PRKAG2: variants seen among roughly 807,000 people sequenced by gnomAD.
PRKAG2 encodes the protein protein kinase AMP-activated non-catalytic subunit gamma 2.
In PRKAG2, 26 loss-of-function variants were observed where a neutral mutation model predicts 69.6. That is an observed-to-expected ratio of 0.37 (90% confidence interval 0.27 to 0.52). PRKAG2 has a LOEUF of 0.52. Ranked by LOEUF, PRKAG2 falls within the 20% of genes least tolerant of loss-of-function variation. The pLI, the probability that PRKAG2 is intolerant of heterozygous loss-of-function variation, is 0.90. For synonymous variants in PRKAG2, 293 were observed against 285.0 expected (o/e 1.03, Z -0.28); for missense variants, 557 against 740.0 (o/e 0.75, Z 2.87).
At chr7:151,658,482 CA>C (rs11286706) in intron 4 of PRKAG2, among the ~76,000 whole-genome samples, 49,564 of 105,320 alleles carry the variant, frequency 0.47, 8,816 homozygotes, top group East Asian at 0.62. Context: ...AAGATTGTCG[CA>C]AAAAAAAAAA....
intron 1 of PRKAG2, among the ~76,000 whole-genome samples, chr7:151,875,561 T>TGG (rs1491394131): frequency 6.5e-4 from 63 of 96,750 alleles, no homozygotes; most frequent in African/African-American, 1.8e-3. Flanking sequence ...CGGAGCACTC[T>TGG]GGTGTGTGTG....
In PRKAG2 at chr7:151,786,615, G is replaced by T. The variant is rs1382028900; in HGVS notation, c.115-74C>A. 3.3e-6 allele frequency: 4 copies of T among 1,219,178 alleles called. No individual in the cohort carries two copies. The East Asian group carries it at 9.6e-5, about 29-fold the overall frequency. The allele number at this position is 1,219,178 out of a possible 1,614,324, so 75.5% of individuals were successfully genotyped here. A position where few individuals can be genotyped will look rare whatever the true frequency, so the allele number is the denominator to read the frequency against. ...AGGGGCTGCATGGAACTCTACGTGGGTGTCACCTCCCCCTTCCTGAGACCT... is the reference window on the plus strand; with the variant it reads ...AGGGGCTGCATGGAACTCTACGTGGTTGTCACCTCCCCCTTCCTGAGACCT... On this transcript the variant is annotated intron_variant, in intron 1 of 15. Coordinates refer to ENST00000287878, the MANE Select transcript of PRKAG2 (RefSeq NM_016203.4).
At chr7:151,740,656 T>A (rs913463547) in intron 3 of PRKAG2, among the ~76,000 whole-genome samples, 1 of 152,164 alleles carries the variant, frequency 6.6e-6, no homozygotes, top group African/African-American at 2.4e-5. Context: ...GAGACAAAGA[T>A]AAACAATGCT....
intron 3 of PRKAG2, among the ~76,000 whole-genome samples, chr7:151,764,300 G>A (rs757187695): frequency 5.3e-5 from 8 of 152,322 alleles, no homozygotes; most frequent in South Asian, 4.1e-4. Flanking sequence ...AAGCCAGAGC[G>A]CAGCCCAGCC....
At chr7:151,574,765 T>TG in intron 8 of PRKAG2, 126 bp downstream of exon 8, 1 of 1,358,308 alleles carries the variant, frequency 7.4e-7, no homozygotes, top group Non-Finnish European at 9.9e-7. Flanking sequence ...AAAATCACCA[T>TG]CAGCACACCA....
In PRKAG2 at chr7:151,781,064, C is replaced by T; in HGVS notation, c.466+88G>A. 6.4e-7 allele frequency: 1 copy of T among 1,569,602 alleles called. No homozygotes were observed. The highest frequency in any genetic ancestry group is 1.1e-5 in the South Asian group (1 of 89,492). On this transcript the variant is annotated intron_variant, in intron 3 of 15. Transcript: ENST00000287878. The surrounding 1 kb of genome is among the most constrained non-coding windows in gnomAD (Gnocchi z 6.1). ...CACCAAGCTGCTCACAGCCACCTGGCAGCTTCGGTGCCACCGTGGATGTGT... is the reference window on the plus strand; with the variant it reads ...CACCAAGCTGCTCACAGCCACCTGGTAGCTTCGGTGCCACCGTGGATGTGT...
intron 6 of PRKAG2, among the ~76,000 whole-genome samples, chr7:151,586,427 T>C (rs1811694325): frequency 6.6e-6 from 1 of 152,168 alleles, no homozygotes; most frequent in Admixed American, 6.5e-5. Context: ...TTTTGAGAAA[T>C]CTATCTGCTC....
intron 1 of PRKAG2, among the ~76,000 whole-genome samples, chr7:151,865,757 C>T (rs183524859): frequency 1.5e-3 from 225 of 152,242 alleles, no homozygotes; most frequent in African/African-American, 4.6e-3. Context: ...CAGTGGCTCA[C>T]GCCTGTAATC....
chr7:151,703,117 C>A (rs942079365), intron 3 of PRKAG2, among the ~76,000 whole-genome samples: 1 of 152,198 alleles, frequency 6.6e-6, no homozygotes, highest in African/African-American at 2.4e-5. Flanking sequence ...CAGCCTCTCA[C>A]ATTGCCTGCT....
intron 3 of PRKAG2, among the ~76,000 whole-genome samples, chr7:151,695,341 A>G (rs1836425978): frequency 1.3e-5 from 2 of 152,176 alleles, no homozygotes; most frequent in Non-Finnish European, 2.9e-5. Flanking sequence ...GAATAAAGCT[A>G]CTTGATAAAC....
intron 3 of PRKAG2, among the ~76,000 whole-genome samples, chr7:151,722,596 G>A (rs1353225286): frequency 6.6e-6 from 1 of 152,058 alleles, no homozygotes; most frequent in African/African-American, 2.4e-5. Context: ...GAGTGGCGGG[G>A]GTAGGATCCT....
At chr7:151,652,482 TAA>T (rs1455425125) in intron 4 of PRKAG2, among the ~76,000 whole-genome samples, 1 of 152,212 alleles carries the variant, frequency 6.6e-6, no homozygotes, top group African/African-American at 2.4e-5. Context: ...AATTAATATT[TAA>T]AAAGTTTTAA....
chr7:151,569,739 C>T (rs903146470), intron 10 of PRKAG2, among the ~76,000 whole-genome samples: 2 of 152,226 alleles, frequency 1.3e-5, no homozygotes, highest in African/African-American at 4.8e-5. Context: ...CAGACGACTA[C>T]ACAGAAGGCA....
chr7:151,869,874 A>G (rs2080172031), intron 1 of PRKAG2, among the ~76,000 whole-genome samples: 3 of 152,196 alleles, frequency 2.0e-5, no homozygotes, highest in Admixed American at 1.3e-4. Flanking sequence ...AGGTTCCCAT[A>G]GCATACTCTG....
rs998087541 is a variant in PRKAG2, at chr7:151,870,926, G to A, written c.114+5581C>T. Among the ~76,000 whole-genome samples, 24 of 152,288 alleles carry A rather than the reference G, an allele frequency of 1.6e-4. 1 individual carries two copies. Among genetic ancestry groups the A allele is most frequent in the African/African-American group, 5.8e-4 (24 of 41,560 alleles). ...CTCCAGCGACTGTGCAGGCTTTCTG[G>A]AGCACCTCTCCCCAGAGGGCCAGCG... On this transcript the variant is annotated intron_variant, in intron 1 of 15. Coordinates refer to ENST00000287878, the MANE Select transcript of PRKAG2 (RefSeq NM_016203.4).
Position 151,788,181 on chromosome 7 carries a change from T to C in PRKAG2, c.115-1640A>G, listed in dbSNP as rs2077106664. ...ATTTTTTGAGGAGCCACTAAACTGT[T>C]TTCTGCAGCAGCCACCCCATTTTAC... On this transcript the variant is annotated intron_variant, in intron 1 of 15. Transcript: ENST00000287878. The surrounding 1 kb of genome is among the most constrained non-coding windows in gnomAD (Gnocchi z 4.6). 6.6e-6 allele frequency among the ~76,000 whole-genome samples: 1 copy of C among 152,188 alleles called. No individual in the cohort carries two copies. Among genetic ancestry groups the C allele is most frequent in the African/African-American group, 2.4e-5 (1 of 41,436 alleles).
intron 3 of PRKAG2, among the ~76,000 whole-genome samples, chr7:151,733,657 T>C (rs2151689492): frequency 6.6e-6 from 1 of 152,168 alleles, no homozygotes; most frequent in Non-Finnish European, 1.5e-5. Flanking sequence ...ATTCCATCCC[T>C]CCTCTCCCTG....
intron 4 of PRKAG2, among the ~76,000 whole-genome samples, chr7:151,647,388 A>T (rs1298355233): frequency 3.3e-5 from 5 of 152,254 alleles, no homozygotes; most frequent in African/African-American, 1.2e-4. Flanking sequence ...TCAGAAGGTT[A>T]TATTCTAATT....
chr7:151,675,123 G>A, intron 4 of PRKAG2: 1 of 383,842 alleles, frequency 2.6e-6, no homozygotes, highest in Non-Finnish European at 5.1e-6. Flanking sequence ...GTTTTGCCAT[G>A]TTGGCCAGGC....
Sources: gnomAD v4.1 joint callset for allele counts (sites outside exome capture counted in the v4.1 genomes callset) on GRCh38, gnomAD v4.1.1 for gene constraint, Gnocchi (gnomAD v3.1) non-coding constraint, MANE v1.5 for transcripts, NCBI Gene and HGNC (gene_info 2026-07-23, HGNC 2026-07-21) for gene names.